GLT1D1: variants seen among roughly 807,000 people sequenced by gnomAD.
GLT1D1 encodes glycosyltransferase 1 domain-containing protein 1.
GLT1D1 carries 21 observed loss-of-function variants against 28.7 expected under a neutral mutation model. The ratio of observed to expected loss-of-function variants is 0.73; its 90% CI spans 0.52 to 1.05. GLT1D1 has a LOEUF of 1.05. Among genes scored for constraint, GLT1D1 ranks in the 50% least tolerant of loss-of-function variants. The probability of loss-of-function intolerance (pLI) is 0.00; values close to 1 mark genes in which losing one functional copy is unlikely to be tolerated. For synonymous variants in GLT1D1, 147 were observed against 124.8 expected, an observed-to-expected ratio of 1.18 and a Z score of -1.19; for missense variants, 343 against 330.6, an observed-to-expected ratio of 1.04 and a Z score of -0.29.
At chr12:128,870,100 G>C (rs865779012) in intron 1 of GLT1D1, among the ~76,000 whole-genome samples, 3 of 151,748 alleles carry the variant, frequency 2.0e-5, no homozygotes, top group African/African-American at 7.3e-5. Flanking sequence ...TAGTAGAGAC[G>C]GGGTTTCACC....
intron 7 of GLT1D1, among the ~76,000 whole-genome samples, chr12:128,975,970 C>A (rs1342386688): frequency 6.6e-6 from 1 of 152,160 alleles, no homozygotes; most frequent in African/African-American, 2.4e-5. Flanking sequence ...GAACAATCAA[C>A]GTACGCTGGC....
intron 7 of GLT1D1, among the ~76,000 whole-genome samples, chr12:128,976,653 T>A (rs1365381434): frequency 6.6e-6 from 1 of 152,142 alleles, no homozygotes; most frequent in Non-Finnish European, 1.5e-5. Context: ...CTTGGAAAAA[T>A]AAGTATATAT....
chr12:128,955,623 A>G (rs1354957088), intron 6 of GLT1D1, among the ~76,000 whole-genome samples: 1 of 151,518 alleles, frequency 6.6e-6, no homozygotes, highest in Non-Finnish European at 1.5e-5. Context: ...TCTTCATGAC[A>G]CTGAACCCTC....
intron 1 of GLT1D1, among the ~76,000 whole-genome samples, chr12:128,861,080 G>GT (rs1956353343): frequency 6.6e-6 from 1 of 151,750 alleles, no homozygotes; most frequent in Non-Finnish European, 1.5e-5. Context: ...TTCAAAGGGT[G>GT]CCCCCCGTTA....
chr12:128,983,236 A>C lies in GLT1D1; in HGVS notation c.*146A>C, dbSNP rs1176956971. ...TAGAAAATGTTAGTCGTGAGTCCCC[A>C]GAGCCACTGCATTCATCCCATATCC... On this transcript the variant is annotated 3_prime_UTR_variant, in exon 8 of 8. Transcript: ENST00000281703. The surrounding 1 kb of genome is among the most constrained non-coding windows in gnomAD (Gnocchi z 4.7). 2.1e-5 allele frequency: 14 copies of C among 681,020 alleles called. No individual in the cohort carries two copies. Among genetic ancestry groups the C allele is most frequent in the Non-Finnish European group, 3.5e-5 (14 of 400,658 alleles). 42.2% of individuals were successfully genotyped at this position (681,020 alleles called of 1,614,324 possible).
At chr12:128,882,434 G>A (rs1027162260) in intron 2 of GLT1D1, among the ~76,000 whole-genome samples, 2 of 151,730 alleles carry the variant, frequency 1.3e-5, no homozygotes, top group East Asian at 3.9e-4. Context: ...CCACCACCAT[G>A]CCCTGCTAAT....
intron 7 of GLT1D1, among the ~76,000 whole-genome samples, chr12:128,965,859 C>T (rs1292201662): frequency 1.3e-5 from 2 of 152,190 alleles, no homozygotes; most frequent in African/African-American, 4.8e-5. Flanking sequence ...CTTGCCACTG[C>T]ACTCCACCCT....
In GLT1D1 at chr12:128,876,027, C is replaced by T. The variant is rs773025838; in HGVS notation, c.182C>T (p.Ala61Val). The stretch of plus-strand genomic sequence containing the variant: ...GCTGAGAACTGCGAGGCTGCCCTGG[C>T]TCTTCATCTCTATAGGGGAGGCAGG... Residue 61 changes from alanine (A) to valine (V), a missense_variant, in exon 2 of 8, where the codon GCT becomes GTT. Physicochemically the swap from Ala to Val is moderately conservative, Grantham distance 64 (BLOSUM62 0). Coordinates refer to ENST00000281703, the MANE Select transcript of GLT1D1 (RefSeq NM_144669.3). 2.0e-5 allele frequency: 32 copies of T among 1,613,864 alleles called. No individual in the cohort carries two copies. Among genetic ancestry groups the T allele is most frequent in the Middle Eastern group, 1.7e-4 (1 of 6,058 alleles).
chr12:128,885,173 T>G (rs1266255525), intron 2 of GLT1D1, among the ~76,000 whole-genome samples: 2 of 152,182 alleles, frequency 1.3e-5, no homozygotes, highest in Non-Finnish European at 2.9e-5. Context: ...CTACATCATG[T>G]TATAGCAGAG....
rs535128046 is a variant in GLT1D1 at position 128,870,390 on chromosome 12, G to A, written c.69-5524G>A. Among the ~76,000 whole-genome samples, 9 of 152,288 alleles carry A rather than the reference G, an allele frequency of 5.9e-5. No individual in the cohort carries two copies. In the South Asian group the frequency reaches 8.3e-4, roughly 14 times the overall value. On this transcript the variant is annotated intron_variant, in intron 1 of 7. Coordinates refer to ENST00000281703, the MANE Select transcript of GLT1D1 (RefSeq NM_144669.3). ...AGCGTCTGTGAATCTTGAGTCAGGC[G>A]CGCACACATAGGCTTCTTCTCTTTG... is the stretch of plus-strand genomic sequence containing the variant.
At chr12:128,897,806 C>T (rs1467742736) in intron 3 of GLT1D1, among the ~76,000 whole-genome samples, 2 of 152,030 alleles carry the variant, frequency 1.3e-5, no homozygotes, top group South Asian at 2.1e-4. Flanking sequence ...GTAGCTGGGA[C>T]TACAGGCGCC....
At chr12:128,927,255 T>G in intron 4 of GLT1D1, 101 bp downstream of exon 8, 1 of 957,774 alleles carries the variant, frequency 1.0e-6, no homozygotes, top group Non-Finnish European at 1.6e-6. Context: ...CTTTATTTTT[T>G]TGAGACGGAG....
chr12:128,916,213 T>A (rs1297248082), intron 4 of GLT1D1, among the ~76,000 whole-genome samples: 2 of 152,258 alleles, frequency 1.3e-5, no homozygotes, highest in Admixed American at 1.3e-4. Flanking sequence ...CTTAGTATTC[T>A]ATTTTGGAAT....
intron 4 of GLT1D1, among the ~76,000 whole-genome samples, chr12:128,908,687 C>T (rs1003784027): frequency 6.6e-6 from 1 of 151,968 alleles, no homozygotes; most frequent in East Asian, 1.9e-4. Context: ...CGGTGGCTCA[C>T]GCCTGTAATC....
chr12:128,940,046 G>A (rs144568811), intron 4 of GLT1D1, among the ~76,000 whole-genome samples: 124 of 151,828 alleles, frequency 8.2e-4, no homozygotes, highest in African/African-American at 2.8e-3. Context: ...TGGTGGTGCC[G>A]TCTGTAGCTC....
At chr12:128,913,884 G>A (rs1483107391) in intron 4 of GLT1D1, among the ~76,000 whole-genome samples, 2 of 152,206 alleles carry the variant, frequency 1.3e-5, no homozygotes, top group Non-Finnish European at 2.9e-5. Flanking sequence ...ATAAACTGGA[G>A]GAAGCAGTCT....
intron 4 of GLT1D1, among the ~76,000 whole-genome samples, chr12:128,921,634 C>T (rs1366436556): frequency 6.6e-6 from 1 of 151,900 alleles, no homozygotes; most frequent in Non-Finnish European, 1.5e-5. Flanking sequence ...CTTCTCAGGG[C>T]CATCTTTCCA....
intron 3 of GLT1D1, among the ~76,000 whole-genome samples, chr12:128,898,282 C>T (rs1042193527): frequency 6.6e-6 from 1 of 152,100 alleles, no homozygotes; most frequent in Non-Finnish European, 1.5e-5. Context: ...AAGCGATCCT[C>T]CTGCCTCAGC....
chr12:128,926,302 C>A, intron 4 of GLT1D1, 57 bp from the exon 7 acceptor site: 2 of 826,480 alleles, frequency 2.4e-6, no homozygotes, highest in Admixed American at 2.1e-5. Context: ...GATGTCATTG[C>A]TACTGCAGCA....
Sources: allele counts gnomAD v4.1 joint callset (sites outside exome capture counted in the v4.1 genomes callset), GRCh38; gene constraint gnomAD v4.1.1; non-coding constraint Gnocchi (gnomAD v3.1); transcripts MANE v1.5; gene names NCBI Gene and HGNC (gene_info 2026-07-23, HGNC 2026-07-21).